ZFP14: variants seen among roughly 807,000 people sequenced by gnomAD.
ZFP14 encodes ZFP14 zinc finger protein, also known as zinc finger protein 14 homolog.
Under a neutral mutation model 54.5 loss-of-function variants are expected in ZFP14, and 22 were observed. That is an observed-to-expected ratio of 0.40 (90% CI 0.29 to 0.58). The LOEUF (loss-of-function observed/expected upper bound fraction) is 0.58. Among genes scored for constraint, ZFP14 ranks in the 20% least tolerant of loss-of-function variants. ZFP14 has a pLI of 0.39. For synonymous variants in ZFP14, 159 were observed against 204.0 expected (o/e 0.78, Z 1.88); for missense variants, 470 against 637.8 (o/e 0.74, Z 2.83).
intron 1 of ZFP14, among the ~76,000 whole-genome samples, chr19:36,370,710 C>A (rs2031865812): frequency 6.6e-6 from 1 of 152,234 alleles, no homozygotes; most frequent in Admixed American, 6.5e-5. Flanking sequence ...CAGCACTATA[C>A]CCACCGTAGC....
At chr19:36,346,120 C>T (rs2031408544) in intron 4 of ZFP14, among the ~76,000 whole-genome samples, 1 of 151,978 alleles carries the variant, frequency 6.6e-6, no homozygotes, top group South Asian at 2.1e-4. Context: ...TGGCAAAACC[C>T]TATCTCTACA....
chr19:36,377,084 A>T (rs2031974684), intron 1 of ZFP14, among the ~76,000 whole-genome samples: 1 of 152,034 alleles, frequency 6.6e-6, no homozygotes, highest in Admixed American at 6.6e-5. Context: ...GTTAACACAG[A>T]CCTCTCCACT....
At chr19:36,353,631 G>C (rs1568468569) in intron 4 of ZFP14, among the ~76,000 whole-genome samples, 1 of 133,272 alleles carries the variant, frequency 7.5e-6, no homozygotes, top group Non-Finnish European at 1.6e-5. Context: ...CCAGGAGGCG[G>C]AGGTTGCAGT....
At chr19:36,370,218 A>C (rs536917427) in intron 1 of ZFP14, among the ~76,000 whole-genome samples, 42 of 152,230 alleles carry the variant, frequency 2.8e-4, no homozygotes, top group Non-Finnish European at 5.0e-4. Context: ...GACATTACCC[A>C]TGTCACCCCT....
intron 4 of ZFP14, among the ~76,000 whole-genome samples, chr19:36,346,406 A>G (rs535216694): frequency 3.2e-4 from 48 of 152,346 alleles, no homozygotes; most frequent in African/African-American, 1.1e-3. Flanking sequence ...GAAAGCATTC[A>G]AACAAAATAA....
At chr19:36,364,994 C>CTTTTTTTTTTTTTTTTTTTTT (rs398034482) in intron 2 of ZFP14, among the ~76,000 whole-genome samples, 5 of 62,002 alleles carry the variant, frequency 8.1e-5, no homozygotes, top group Non-Finnish European at 8.7e-5. Flanking sequence ...TTTTCTTTTT[C>CTTTTTTTTTTTTTTTTTTTTT]TTTTTTTTTT....
intron 1 of ZFP14, chr19:36,378,001 A>G (rs1219567679): frequency 6.6e-6 from 1 of 152,274 alleles, no homozygotes; most frequent in Non-Finnish European, 1.5e-5. Flanking sequence ...CTAGCTGAAG[A>G]TTAACTGGAA....
rs2031259642 is a variant in ZFP14 at position 36,339,064 on chromosome 19, G to C, written c.*1160C>G. On this transcript the variant is annotated 3_prime_UTR_variant, in exon 5 of 5. Transcript: ENST00000270001. The stretch of plus-strand genomic sequence containing the variant: ...CCTCACATTCATGAAATTCATTTTT[G>C]GCATGAAATTTCTAATGCAGCTCAA... 2.0e-5 allele frequency: 3 copies of C among 151,978 alleles called. No homozygotes were observed. The highest frequency in any genetic ancestry group is 7.3e-5 in the African/African-American group (3 of 41,340). The allele number at this position is 151,978 out of a possible 1,614,324, so 9.4% of individuals were successfully genotyped here.
At position 36,351,333 on chromosome 19, in the gene ZFP14, T is replaced by C. The variant is rs1399462870; in HGVS notation, c.235+9102A>G. Reference sequence around the variant, plus strand: ...GGCCAACATGGCGAAACCCCGTCTCTACTAAAAACTACAAAAATTAGCCGG... The same window carrying C: ...GGCCAACATGGCGAAACCCCGTCTCCACTAAAAACTACAAAAATTAGCCGG... On this transcript the variant is annotated intron_variant, in intron 4 of 4. Transcript: ENST00000270001. 4.3e-5 allele frequency among the ~76,000 whole-genome samples: 6 copies of C among 139,580 alleles called. 2 individuals are homozygous for C. The highest frequency in any genetic ancestry group is 4.6e-4 in the South Asian group (2 of 4,382). 91.6% of individuals were successfully genotyped at this position (139,580 alleles called of 152,430 possible).
Position 36,341,617 on chromosome 19 carries a change from A to C in ZFP14, c.236-27T>G, listed in dbSNP as rs2031317476. On this transcript the variant is annotated intron_variant, in intron 4 of 4. Transcript: ENST00000270001. The surrounding 1 kb of genome is among the most constrained non-coding windows in gnomAD (Gnocchi z 4.2). ...TGAAAGAAAACAAGAAAGCAAATAC[A>C]TACTGTTTTCCTGTTCCAGAAAGAA... The C allele has an allele frequency of 2.0e-6, 3 of 1,526,046 alleles. No homozygotes were observed. Among genetic ancestry groups the C allele is most frequent in the Non-Finnish European group, 2.6e-6 (3 of 1,142,848 alleles). The allele number at this position is 1,526,046 out of a possible 1,614,324, so 94.5% of individuals were successfully genotyped here.
At chr19:36,357,809 C>A (rs1457649790) in intron 4 of ZFP14, among the ~76,000 whole-genome samples, 2 of 150,990 alleles carry the variant, frequency 1.3e-5, no homozygotes, top group Non-Finnish European at 2.9e-5. Flanking sequence ...GTGGTGTGAT[C>A]TCGGCTCACT....
rs1384781488 is a variant in ZFP14, at chr19:36,341,418, T to C, written c.408A>G (p.Gln136=). 1 of 1,614,180 alleles carries C rather than the reference T, an allele frequency of 6.2e-7. No individual in the cohort carries two copies. Among genetic ancestry groups the C allele is most frequent in the Non-Finnish European group, 8.5e-7 (1 of 1,180,032 alleles). The change falls in exon 5 of 5, where the codon CAA becomes CAG. Residue 136 remains glutamine, a synonymous_variant. Coordinates refer to ENST00000270001, the MANE Select transcript of ZFP14 (RefSeq NM_020917.3). The surrounding 1 kb of genome is among the most constrained non-coding windows in gnomAD (Gnocchi z 4.2). ...TTTTCACTTGCCCAAAATATCCCTC[T>C]TGTTGTTCCTTTTCCCCCTCAATCT... ...KSKIEGEKEQ[Q]EGYFGQVKIT...
Position 36,340,807 on chromosome 19 carries a change from T to C in ZFP14, c.1019A>G (p.Tyr340Cys), listed in dbSNP as rs367637837. Residue 340 changes from tyrosine (Y) to cysteine (C), a missense_variant, in exon 5 of 5, where the codon TAT (tyrosine) becomes TGT (cysteine). Tyr to Cys is a radical substitution (Grantham distance 194, BLOSUM62 -2). Transcript: ENST00000270001. The surrounding 1 kb of genome is among the most constrained non-coding windows in gnomAD (Gnocchi z 5.4). ...HQKIHFGEKPYECKECGKAFR... is the reference protein window; with the variant it reads ...HQKIHFGEKPCECKECGKAFR... ...AGCCTTTCCACACTCCTTACATTCA[T>C]AGGGTTTCTCACCAAAATGAATTTT... 1.9e-6 allele frequency: 3 copies of C among 1,614,048 alleles called. No individual in the cohort carries two copies. The highest frequency in any genetic ancestry group is 1.3e-5 in the African/African-American group (1 of 74,942).
Position 36,352,863 on chromosome 19 carries a change from C to CT in ZFP14, c.235+7571_235+7572insA, listed in dbSNP as rs1347617095. 1.9e-4 allele frequency among the ~76,000 whole-genome samples: 27 copies of CT among 140,360 alleles called. 1 individual carries two copies. The highest frequency in any genetic ancestry group is 7.1e-4 in the African/African-American group (27 of 37,992). 92.1% of individuals were successfully genotyped at this position (140,360 alleles called of 152,430 possible). On this transcript the variant is annotated intron_variant, in intron 4 of 4. Transcript: ENST00000270001. ...GGCTGAGGCAGAAGAATGGCGTGAACCCGGGAGGCGGAGCTTGCAGTGAGC... is the reference window on the plus strand; with the variant it reads ...GGCTGAGGCAGAAGAATGGCGTGAACTCCGGGAGGCGGAGCTTGCAGTGAGC...
At chr19:36,378,267 T>A (rs902252235) in intron 1 of ZFP14, 1 of 152,130 alleles carries the variant, frequency 6.6e-6, no homozygotes, top group African/African-American at 2.4e-5. Context: ...CAAGAGGGTA[T>A]CCCCAGTAAT....
chr19:36,362,125 G>A lies in ZFP14; in HGVS notation c.123C>T (p.Asn41=). ...YRDVMWENYS[N]FISLGPSISK... is the part of the protein sequence containing the mutation. ...AAATAACCTTACCTAGTGAAATGAA[G>A]TTGCTGTAGTTCTCCCACATTACAT... The change falls in exon 3 of 5, where the codon AAC becomes AAT. Residue 41 remains asparagine, a synonymous_variant. Coordinates refer to ENST00000270001, the MANE Select transcript of ZFP14 (RefSeq NM_020917.3). The A allele has an allele frequency of 6.2e-7, 1 of 1,601,890 alleles. No individual in the cohort carries two copies. The highest frequency in any genetic ancestry group is 2.3e-5 in the East Asian group (1 of 44,078).
intron 2 of ZFP14, among the ~76,000 whole-genome samples, chr19:36,363,856 G>T (rs964683209): frequency 6.6e-6 from 1 of 151,980 alleles, no homozygotes; most frequent in Non-Finnish European, 1.5e-5. Flanking sequence ...TGGGTGTGGT[G>T]GTGGGAGCCT....
rs1033290982 is a variant in ZFP14 at position 36,341,432 on chromosome 19, C to T, written c.394G>A (p.Glu132Lys). 6.2e-7 allele frequency: 1 copy of T among 1,613,924 alleles called. No individual in the cohort carries two copies. Among genetic ancestry groups the T allele is most frequent in the African/African-American group, 1.3e-5 (1 of 74,878 alleles). The change falls in exon 5 of 5, where the codon GAA (glutamate) becomes AAA (lysine). Residue 132 changes from glutamate to lysine, a missense_variant. Physicochemically the swap from Glu to Lys is moderately conservative, Grantham distance 56. Coordinates refer to ENST00000270001, the MANE Select transcript of ZFP14 (RefSeq NM_020917.3). The surrounding 1 kb of genome is among the most constrained non-coding windows in gnomAD (Gnocchi z 4.2). ...DWECKSKIEG[E>K]KEQQEGYFGQ... ...AAATATCCCTCTTGTTGTTCCTTTT[C>T]CCCCTCAATCTTGCTTTTGCATTCC...
At chr19:36,344,942 C>T (rs2031386600) in intron 4 of ZFP14, among the ~76,000 whole-genome samples, 1 of 152,120 alleles carries the variant, frequency 6.6e-6, no homozygotes, top group African/African-American at 2.4e-5. Context: ...AGAATTTATA[C>T]TATGACTTAT....
Sources: gnomAD v4.1 joint callset for allele counts (sites outside exome capture counted in the v4.1 genomes callset) on GRCh38, gnomAD v4.1.1 for gene constraint, Gnocchi (gnomAD v3.1) non-coding constraint, MANE v1.5 for transcripts, NCBI Gene and HGNC (gene_info 2026-07-23, HGNC 2026-07-21) for gene names.